Variants in CACNB4 observed in about 807,000 individuals in gnomAD.
CACNB4 encodes calcium voltage-gated channel auxiliary subunit beta 4.
In CACNB4, 32 loss-of-function variants were observed where a neutral mutation model predicts 71.2. That is an observed-to-expected ratio of 0.45 (90% CI 0.34 to 0.60). The LOEUF (loss-of-function observed/expected upper bound fraction) is 0.60. Among genes scored for constraint, CACNB4 ranks in the 20% least tolerant of loss-of-function variants. CACNB4 has a pLI of 0.01. For missense variants in CACNB4, 464 were observed against 647.9 expected (o/e 0.72, Z 3.08); for synonymous variants, 231 against 236.9 (o/e 0.97, Z 0.23).
chr2:152,073,184 G>C (rs957585726), intron 2 of CACNB4, among the ~76,000 whole-genome samples: 1 of 152,096 alleles, frequency 6.6e-6, no homozygotes, highest in Non-Finnish European at 1.5e-5. Context: ...TTGTGCAGTT[G>C]GCAGAGAGAA....
chr2:151,870,828 G>A lies in CACNB4; in HGVS notation c.618+14C>T, dbSNP rs758242679. 3 of 1,596,854 alleles carry A rather than the reference G, an allele frequency of 1.9e-6. No individual in the cohort carries two copies. In the East Asian group the frequency reaches 6.7e-5, roughly 36 times the overall value. ...GAACCTTAACAGTAGATTTAAAAAGGAAACACAACTTACCACTTTTTGCTT... is the reference window on the plus strand; with the variant it reads ...GAACCTTAACAGTAGATTTAAAAAGAAAACACAACTTACCACTTTTTGCTT... On this transcript the variant is annotated intron_variant, in intron 7 of 13. Coordinates refer to ENST00000539935, the MANE Select transcript of CACNB4 (RefSeq NM_000726.5).
At position 152,071,726 on chromosome 2, in the gene CACNB4, T is replaced by C. The variant is rs539172062; in HGVS notation, c.147+26604A>G. Among the ~76,000 whole-genome samples, 3 of 152,364 alleles carry C rather than the reference T, an allele frequency of 2.0e-5. No homozygotes were observed. The East Asian group carries it at 5.8e-4, about 29-fold the overall frequency. On this transcript the variant is annotated intron_variant, in intron 2 of 13. Transcript: ENST00000539935. ...TAGAATTATGCAATGTAAGCAATTA[T>C]AGTGTGGAAGTACAATGGTATCTTT... is the stretch of plus-strand genomic sequence containing the variant.
intron 2 of CACNB4, among the ~76,000 whole-genome samples, chr2:151,916,160 G>T (rs530852897): frequency 6.6e-6 from 1 of 152,142 alleles, no homozygotes; most frequent in Non-Finnish European, 1.5e-5. Context: ...TTCCATGGGA[G>T]CCTCCAAAAG....
chr2:152,033,586 C>T (rs542509143), intron 2 of CACNB4, among the ~76,000 whole-genome samples: 5 of 152,204 alleles, frequency 3.3e-5, no homozygotes, highest in African/African-American at 7.2e-5. Flanking sequence ...AAAAGGAAAC[C>T]GGCACCCAAA....
intron 2 of CACNB4, among the ~76,000 whole-genome samples, chr2:152,096,479 G>A (rs533812328): frequency 9.9e-5 from 15 of 152,144 alleles, no homozygotes; most frequent in South Asian, 4.1e-4. Flanking sequence ...GCAAGACTCC[G>A]TCTGAAAAAA....
At chr2:152,076,979 C>A (rs1242201492) in intron 2 of CACNB4, among the ~76,000 whole-genome samples, 1 of 152,170 alleles carries the variant, frequency 6.6e-6, no homozygotes, top group Non-Finnish European at 1.5e-5. Context: ...CCGCCATGGA[C>A]TGAGCAGCCA....
rs1688437311 is a variant in CACNB4, at chr2:152,098,874, G to T, written c.63+75C>A. The stretch of plus-strand genomic sequence containing the variant: ...GCCCCGCACGCCCGGCACGAAGGCG[G>T]GGCGCGCTAGGGCGGCGGAGGAGGT... On this transcript the variant is annotated intron_variant, in intron 1 of 13. Coordinates refer to ENST00000539935, the MANE Select transcript of CACNB4 (RefSeq NM_000726.5). The surrounding 1 kb of genome is among the most constrained non-coding windows in gnomAD (Gnocchi z 5.3). 2.5e-6 allele frequency: 3 copies of T among 1,207,292 alleles called. No homozygotes were observed. The Admixed American group carries it at 8.6e-5, about 35-fold the overall frequency. The allele number at this position is 1,207,292 out of a possible 1,614,324, so 74.8% of individuals were successfully genotyped here.
Position 152,098,211 on chromosome 2 carries a change from A to C in CACNB4, c.147+119T>G. 3 of 722,222 alleles carry C rather than the reference A, an allele frequency of 4.2e-6. No individual in the cohort carries two copies. Among genetic ancestry groups the C allele is most frequent in the Non-Finnish European group, 4.8e-6 (2 of 420,196 alleles). 44.7% of individuals were successfully genotyped at this position (722,222 alleles called of 1,614,324 possible). A position where few individuals can be genotyped will look rare whatever the true frequency, so the allele number is the denominator to read the frequency against. ...GCCCGAGCACCGGCCGAGGCCGGGA[A>C]GAGACGCGCGCGGGCTTGACCCGCA... On this transcript the variant is annotated intron_variant, in intron 2 of 13. Transcript: ENST00000539935. This position sits in a 1 kb window ranked among gnomAD's most constrained non-coding sequence, Gnocchi z 5.3.
chr2:152,043,440 G>C (rs1407011167), intron 2 of CACNB4, among the ~76,000 whole-genome samples: 1 of 152,064 alleles, frequency 6.6e-6, no homozygotes, highest in East Asian at 1.9e-4. Context: ...TCCCACCTTA[G>C]CCTCCAGAAT....
chr2:152,030,407 CTCA>C (rs1684221625), intron 2 of CACNB4, among the ~76,000 whole-genome samples: 1 of 152,140 alleles, frequency 6.6e-6, no homozygotes, highest in Non-Finnish European at 1.5e-5. Flanking sequence ...CAGATATGAT[CTCA>C]TAATTTTAGA....
At chr2:152,032,291 C>T (rs1684330274) in intron 2 of CACNB4, among the ~76,000 whole-genome samples, 1 of 152,186 alleles carries the variant, frequency 6.6e-6, no homozygotes, top group African/African-American at 2.4e-5. Flanking sequence ...ACCCAGGCCA[C>T]ACAGCCAGGA....
At chr2:152,099,142 G>C, upstream of CACNB4, 1 of 554,182 alleles carries the variant, frequency 1.8e-6, no homozygotes, top group Non-Finnish European at 3.1e-6. Context: ...CCGGCGCCCA[G>C]GCTCCCTGCC....
chr2:151,852,113 G>C (rs1311921138), intron 12 of CACNB4: 1 of 152,178 alleles, frequency 6.6e-6, no homozygotes, highest in Non-Finnish European at 1.5e-5. Flanking sequence ...GAGCCAGATA[G>C]ATCTAGAATA....
intron 2 of CACNB4, among the ~76,000 whole-genome samples, chr2:152,059,727 T>C (rs948483232): frequency 2.0e-5 from 3 of 152,194 alleles, no homozygotes; most frequent in African/African-American, 7.2e-5. Context: ...TGGAAAGGCA[T>C]GATTTGTGTT....
chr2:151,840,173 G>C (rs956594876), intron 13 of CACNB4, among the ~76,000 whole-genome samples: 4 of 152,162 alleles, frequency 2.6e-5, no homozygotes, highest in Non-Finnish European at 5.9e-5. Context: ...ATCAGTTAAG[G>C]CACAGGATCC....
chr2:152,042,259 C>T (rs1328123346), intron 2 of CACNB4, among the ~76,000 whole-genome samples: 1 of 152,216 alleles, frequency 6.6e-6, no homozygotes, highest in African/African-American at 2.4e-5. Context: ...CCTCAAACAG[C>T]ATCTTGCTCC....
At chr2:151,919,577 G>A (rs775795110) in intron 2 of CACNB4, among the ~76,000 whole-genome samples, 1 of 152,132 alleles carries the variant, frequency 6.6e-6, no homozygotes, top group Non-Finnish European at 1.5e-5. Flanking sequence ...CCCCCTCAGG[G>A]TCCTGCAAGT....
rs75777121 is a variant in CACNB4, at chr2:151,905,023, G to C, written c.148-21653C>G. Among the ~76,000 whole-genome samples, 521 of 152,114 alleles carry C rather than the reference G, an allele frequency of 3.4e-3. 2 individuals carry two copies. The highest frequency in any genetic ancestry group is 0.012 in the African/African-American group (502 of 41,496). On this transcript the variant is annotated intron_variant, in intron 2 of 13. Coordinates refer to ENST00000539935, the MANE Select transcript of CACNB4 (RefSeq NM_000726.5). Reference sequence around the variant, plus strand: ...TAGAATGCTATCATTTCCCCTCATCGCCTGCAATCAAATAACAAAGTGAGA... The same window carrying C: ...TAGAATGCTATCATTTCCCCTCATCCCCTGCAATCAAATAACAAAGTGAGA...
At chr2:152,061,641 CAAAA>C (rs57640851) in intron 2 of CACNB4, among the ~76,000 whole-genome samples, 1 of 132,474 alleles carries the variant, frequency 7.5e-6, no homozygotes, top group Non-Finnish European at 1.7e-5. Flanking sequence ...CTTCTCAAAG[CAAAA>C]AAAAAAAAAA....
Sources: allele counts gnomAD v4.1 joint callset (sites outside exome capture counted in the v4.1 genomes callset), GRCh38; gene constraint gnomAD v4.1.1; non-coding constraint Gnocchi (gnomAD v3.1); transcripts MANE v1.5; gene names NCBI Gene and HGNC (gene_info 2026-07-23, HGNC 2026-07-21).